Variants in MACROD2 observed in about 807,000 individuals in gnomAD.
MACROD2 encodes the protein mono-ADP ribosylhydrolase 2.
A neutral mutation model predicts 70.4 loss-of-function variants in MACROD2; 36 were observed. The ratio of observed to expected loss-of-function variants is 0.51; its 90% confidence interval spans 0.39 to 0.68. MACROD2 has a LOEUF of 0.68. Among genes scored for constraint, MACROD2 ranks in the 30% least tolerant of loss-of-function variants. The pLI is 0.00. For missense variants in MACROD2, 496 were observed against 538.4 expected (o/e 0.92, Z 0.78); for synonymous variants, 172 against 178.8 (o/e 0.96, Z 0.30).
chr20:14,877,067 T>C (rs1307344674), intron 5 of MACROD2, among the ~76,000 whole-genome samples: 1 of 152,156 alleles, frequency 6.6e-6, no homozygotes, highest in Admixed American at 6.5e-5. Context: ...TTTAAGGATA[T>C]ATACTCTTCC....
intron 6 of MACROD2, among the ~76,000 whole-genome samples, chr20:15,285,021 C>T (rs1190604035): frequency 6.6e-6 from 1 of 151,940 alleles, no homozygotes; most frequent in Non-Finnish European, 1.5e-5. Flanking sequence ...AGGTTTGGTC[C>T]ATTTCTTCTA....
chr20:15,833,984 C>G (rs2064085298), intron 8 of MACROD2, among the ~76,000 whole-genome samples: 1 of 152,104 alleles, frequency 6.6e-6, no homozygotes, highest in Non-Finnish European at 1.5e-5. Flanking sequence ...CTTTGGGTAA[C>G]TCCTGCAAAG....
At chr20:15,479,756 C>A (rs2146451235) in intron 7 of MACROD2, among the ~76,000 whole-genome samples, 1 of 152,262 alleles carries the variant, frequency 6.6e-6, no homozygotes, top group South Asian at 2.1e-4. Context: ...GAGAAACCTG[C>A]AGAATGGTCT....
intron 3 of MACROD2, among the ~76,000 whole-genome samples, chr20:14,218,574 GTTTT>G (rs1265614843): frequency 1.3e-5 from 2 of 152,036 alleles, no homozygotes; most frequent in Non-Finnish European, 2.9e-5. Context: ...GTGTACTTTG[GTTTT>G]TTGTTTTTTT....
intron 4 of MACROD2, among the ~76,000 whole-genome samples, chr20:14,512,718 A>AT (rs2085044362): frequency 6.6e-6 from 1 of 152,000 alleles, no homozygotes; most frequent in Admixed American, 6.6e-5. Context: ...GGAAACTAAG[A>AT]TTTTTTTGTC....
chr20:15,269,685 G>T (rs6110563), intron 6 of MACROD2, among the ~76,000 whole-genome samples: 6 of 152,156 alleles, frequency 3.9e-5, no homozygotes, highest in Admixed American at 2.0e-4. Context: ...TAATTACTGA[G>T]GACCTTTATG....
chr20:15,241,888 T>C (rs1408586730), intron 6 of MACROD2, among the ~76,000 whole-genome samples: 3 of 151,940 alleles, frequency 2.0e-5, no homozygotes, highest in Non-Finnish European at 2.9e-5. Context: ...GAATAAGGAA[T>C]AGGTGACATG....
chr20:14,741,155 TGAG>T (rs1383497819), intron 5 of MACROD2, among the ~76,000 whole-genome samples: 2 of 152,182 alleles, frequency 1.3e-5, no homozygotes, highest in African/African-American at 4.8e-5. Flanking sequence ...AATTTTCAAG[TGAG>T]GAGAAGTTCA....
chr20:15,330,278 C>T (rs1318138293), intron 6 of MACROD2, among the ~76,000 whole-genome samples: 3 of 143,140 alleles, frequency 2.1e-5, no homozygotes, highest in African/African-American at 4.9e-5. Flanking sequence ...TCCCCTACAA[C>T]GTGTTTTAAC....
chr20:15,660,927 C>CT (rs1361124759), intron 8 of MACROD2, among the ~76,000 whole-genome samples: 1 of 152,146 alleles, frequency 6.6e-6, no homozygotes, highest in African/African-American at 2.4e-5. Flanking sequence ...AGAGCAACCT[C>CT]TTTTTTCAAA....
intron 2 of MACROD2, among the ~76,000 whole-genome samples, chr20:14,026,560 A>G (rs995433759): frequency 2.6e-5 from 4 of 152,216 alleles, no homozygotes; most frequent in African/African-American, 9.6e-5. Flanking sequence ...GTCTCTCAGC[A>G]TGTGCTTGTC....
intron 8 of MACROD2, among the ~76,000 whole-genome samples, chr20:15,737,679 A>C (rs1023879918): frequency 6.6e-6 from 1 of 152,236 alleles, no homozygotes; most frequent in Non-Finnish European, 1.5e-5. Context: ...TAAGAAAGTA[A>C]ATCATTCACA....
intron 3 of MACROD2, among the ~76,000 whole-genome samples, chr20:14,394,747 A>G (rs1361639545): frequency 6.6e-6 from 1 of 152,138 alleles, no homozygotes; most frequent in Non-Finnish European, 1.5e-5. Flanking sequence ...AAAATACATA[A>G]AATGTGCCTA....
chr20:14,646,254 G>T (rs951368347), intron 4 of MACROD2, among the ~76,000 whole-genome samples: 5 of 151,886 alleles, frequency 3.3e-5, no homozygotes, highest in Admixed American at 1.3e-4. Context: ...TGCCAATCAG[G>T]ATTCCTTGAA....
chr20:15,947,072 C>T (rs1026347220), intron 12 of MACROD2, among the ~76,000 whole-genome samples: 10 of 152,176 alleles, frequency 6.6e-5, no homozygotes, highest in South Asian at 2.1e-4. Context: ...CAACGTGTCT[C>T]GACTCCCGCC....
chr20:15,198,681 G>C (rs2076628149), intron 5 of MACROD2, among the ~76,000 whole-genome samples: 1 of 152,086 alleles, frequency 6.6e-6, no homozygotes, highest in Non-Finnish European at 1.5e-5. Context: ...GCTCCCTTGT[G>C]GTTGGCAGTT....
At chr20:15,947,194 A>G (rs776645103) in intron 12 of MACROD2, among the ~76,000 whole-genome samples, 12 of 152,114 alleles carry the variant, frequency 7.9e-5, no homozygotes, top group Non-Finnish European at 1.5e-4. Flanking sequence ...CTCAATCTCA[A>G]CTGCAAGAGG....
intron 3 of MACROD2, among the ~76,000 whole-genome samples, chr20:14,227,299 C>A (rs530152849): frequency 6.6e-6 from 1 of 152,060 alleles, no homozygotes; most frequent in African/African-American, 2.4e-5. Flanking sequence ...GCAACAGGCT[C>A]GGGTCCCCTT....
chr20:14,629,977 A>C (rs1000692974), intron 4 of MACROD2, among the ~76,000 whole-genome samples: 1 of 151,964 alleles, frequency 6.6e-6, no homozygotes, highest in Non-Finnish European at 1.5e-5. Flanking sequence ...CTATCTATCT[A>C]TCTATCTATC....
Sources: gnomAD v4.1 joint callset for allele counts (sites outside exome capture counted in the v4.1 genomes callset) on GRCh38, gnomAD v4.1.1 for gene constraint, MANE v1.5 for transcripts, NCBI Gene and HGNC (gene_info 2026-07-23, HGNC 2026-07-21) for gene names.